The following HP1BP3 variants were observed in gnomAD, a reference collection of about 807,000 sequenced individuals.
HP1BP3 encodes the protein heterochromatin protein 1-binding protein 3.
HP1BP3 carries 12 observed loss-of-function variants against 62.5 expected under a neutral mutation model. That is an observed-to-expected ratio of 0.19 (90% confidence interval 0.12 to 0.31). The LOEUF is 0.31. Ranked by LOEUF, HP1BP3 falls within the 10% of genes least tolerant of loss-of-function variation. HP1BP3 has a pLI of 1.00. For missense variants in HP1BP3, 502 were observed against 651.8 expected (o/e 0.77, Z 2.50); for synonymous variants, 260 against 237.8 (o/e 1.09, Z -0.86).
At chr1:20,746,955 G>A (rs1321086634) in intron 11 of HP1BP3, among the ~76,000 whole-genome samples, 1 of 152,186 alleles carries the variant, frequency 6.6e-6, no homozygotes, top group East Asian at 1.9e-4. Flanking sequence ...GGCGGAGATT[G>A]CAGTGAGCCG....
rs533754200 is a variant in HP1BP3, at chr1:20,765,277, A to C, written c.890+100T>G. 5.0e-5 allele frequency: 37 copies of C among 734,936 alleles called. No homozygotes were observed. In the East Asian group the frequency reaches 1.1e-3, roughly 22 times the overall value. 45.5% of individuals were successfully genotyped at this position (734,936 alleles called of 1,614,324 possible). On this transcript the variant is annotated intron_variant, in intron 8 of 12. Coordinates refer to ENST00000438032, the MANE Select transcript of HP1BP3 (RefSeq NM_001372052.1). ...TAAAAAAGATTTATTTTTAGCTGAA[A>C]GTAATCCTTCCTCAGTATTTAATCT...
In HP1BP3 at chr1:20,741,986, G is replaced by C. The variant is rs892444675; in HGVS notation, c.*2811C>G. ...GACAGTTGTGGATGTTCGTGGAAGA[G>C]TGCGATGACCTTCCTGTCTTTTCCC... On this transcript the variant is annotated 3_prime_UTR_variant, in exon 13 of 13. Transcript: ENST00000438032. Among the ~76,000 whole-genome samples, 2 of 152,246 alleles carry C rather than the reference G, an allele frequency of 1.3e-5. No homozygotes were observed. Among genetic ancestry groups the C allele is most frequent in the Non-Finnish European group, 2.9e-5 (2 of 68,042 alleles).
At chr1:20,757,771 C>T (rs2056211144) in intron 8 of HP1BP3, among the ~76,000 whole-genome samples, 2 of 152,130 alleles carry the variant, frequency 1.3e-5, no homozygotes, top group Admixed American at 1.3e-4. Flanking sequence ...TCTATATACC[C>T]AATATGCCCA....
Position 20,744,525 on chromosome 1 carries a change from G to C in HP1BP3, c.*272C>G. On this transcript the variant is annotated 3_prime_UTR_variant, in exon 13 of 13. Transcript: ENST00000438032. Reference sequence around the variant, plus strand: ...CCATAAAAACAACAGGGGGTTGGGGGAGGCAGAGAAAAAGGACAAGTATAC... The same window carrying C: ...CCATAAAAACAACAGGGGGTTGGGGCAGGCAGAGAAAAAGGACAAGTATAC... 3.6e-6 allele frequency: 1 copy of C among 281,440 alleles called. No individual in the cohort carries two copies. 17.4% of individuals were successfully genotyped at this position (281,440 alleles called of 1,614,324 possible).
chr1:20,782,435 C>T (rs535697564), intron 1 of HP1BP3, among the ~76,000 whole-genome samples: 4 of 151,278 alleles, frequency 2.6e-5, no homozygotes, highest in African/African-American at 7.3e-5. Flanking sequence ...AATTAAAAAT[C>T]AGCTGGGAAT....
At position 20,776,645 on chromosome 1, in the gene HP1BP3, T is replaced by G. The variant is rs2057316181; in HGVS notation, c.302A>C (p.Glu101Ala). 6.2e-7 allele frequency: 1 copy of G among 1,613,952 alleles called. No homozygotes were observed. The highest frequency in any genetic ancestry group is 8.5e-7 in the Non-Finnish European group (1 of 1,179,912). Residue 101 changes from glutamate (E) to alanine (A), a missense_variant, in exon 4 of 13, where the codon GAG (glutamate) becomes GCG (alanine). By Grantham distance (107) the Glu-to-Ala change is moderately radical. Coordinates refer to ENST00000438032, the MANE Select transcript of HP1BP3 (RefSeq NM_001372052.1). ...SEAEQPKGEP[E>A]NEEKEENKSS... is the part of the protein sequence containing the mutation. ...CTTATTTTCTTCCTTCTCTTCATTCTCAGGTTCCCCCTTTGGCTGCTCTGC... is the reference window on the plus strand; with the variant it reads ...CTTATTTTCTTCCTTCTCTTCATTCGCAGGTTCCCCCTTTGGCTGCTCTGC...
intron 1 of HP1BP3, among the ~76,000 whole-genome samples, chr1:20,783,125 A>G (rs2057649806): frequency 2.0e-5 from 3 of 151,940 alleles, no homozygotes; most frequent in Non-Finnish European, 4.4e-5. Context: ...AATAATAATA[A>G]TAATAATAAA....
chr1:20,777,890 T>C (rs1260619048), intron 3 of HP1BP3, among the ~76,000 whole-genome samples: 1 of 152,258 alleles, frequency 6.6e-6, no homozygotes, highest in Non-Finnish European at 1.5e-5. Flanking sequence ...TCCCATATGC[T>C]TAGGATGACA....
chr1:20,780,676 C>A, intron 1 of HP1BP3, 136 bp from the exon 2 acceptor site: 1 of 553,970 alleles, frequency 1.8e-6, no homozygotes, highest in Non-Finnish European at 3.2e-6. Context: ...TTTGGTTACT[C>A]AGAAAGATAA....
chr1:20,757,944 G>A (rs1489748972), intron 8 of HP1BP3, among the ~76,000 whole-genome samples: 1 of 151,764 alleles, frequency 6.6e-6, no homozygotes, highest in African/African-American at 2.4e-5. Flanking sequence ...AGGAGTTCGA[G>A]ACCAGCCTGG....
intron 9 of HP1BP3, among the ~76,000 whole-genome samples, chr1:20,751,741 T>TAA (rs140394272): frequency 1.8e-5 from 2 of 110,916 alleles, no homozygotes; most frequent in African/African-American, 3.3e-5. Context: ...AATAATAAAC[T>TAA]AAAAAAAAAA....
At position 20,773,527 on chromosome 1, in the gene HP1BP3, G is replaced by A; in HGVS notation, c.434C>T (p.Ala145Val). ...SWATLSASQLARAQKQTPMAS... is the reference protein window; with the variant it reads ...SWATLSASQLVRAQKQTPMAS... ...CATCGGTGTTTGTTTCTGGGCCCTG[G>A]CTAGCTGGCTGGCAGAAAGGGTAGC... is the stretch of plus-strand genomic sequence containing the variant. Residue 145 changes from alanine to valine, a missense_variant, in exon 5 of 13, where the codon GCC (alanine) becomes GTC (valine). By Grantham distance (64) the Ala-to-Val change is moderately conservative. Around this residue, in one of 5 missense-constraint regions of HP1BP3, gnomAD observed 7 missense variants for 23.9 expected, o/e 0.29. Coordinates refer to ENST00000438032, the MANE Select transcript of HP1BP3 (RefSeq NM_001372052.1). 1.2e-6 allele frequency: 2 copies of A among 1,611,656 alleles called. No homozygotes were observed. The highest frequency in any genetic ancestry group is 1.7e-6 in the Non-Finnish European group (2 of 1,178,566).
At chr1:20,778,626 C>T (rs895584946) in intron 3 of HP1BP3, among the ~76,000 whole-genome samples, 5 of 152,010 alleles carry the variant, frequency 3.3e-5, no homozygotes, top group Non-Finnish European at 7.3e-5. Context: ...TATTTGGATT[C>T]CCGTGTTTCT....
chr1:20,776,445 T>C lies in HP1BP3; in HGVS notation c.350+152A>G, dbSNP rs951839515. 3 of 676,942 alleles carry C rather than the reference T, an allele frequency of 4.4e-6. No individual in the cohort carries two copies. The African/African-American group carries it at 5.5e-5, about 12-fold the overall frequency. 41.9% of individuals were successfully genotyped at this position (676,942 alleles called of 1,614,324 possible). A position where few individuals can be genotyped will look rare whatever the true frequency, so the allele number is the denominator to read the frequency against. On this transcript the variant is annotated intron_variant, in intron 4 of 12. Transcript: ENST00000438032. ...TATTCTAACAGGTCAAACAACTATA[T>C]AATAAACCTATTTCAAATGGTAATT... is the stretch of plus-strand genomic sequence containing the variant.
chr1:20,750,690 G>A (rs1433554442), intron 9 of HP1BP3, among the ~76,000 whole-genome samples: 3 of 151,418 alleles, frequency 2.0e-5, no homozygotes, highest in South Asian at 2.1e-4. Flanking sequence ...GCCTCTGCCC[G>A]CCACCCCAAG....
intron 8 of HP1BP3, among the ~76,000 whole-genome samples, chr1:20,760,593 T>C (rs1310028412): frequency 6.6e-6 from 1 of 151,156 alleles, no homozygotes. Flanking sequence ...CTGTAATCCT[T>C]TGGTAGGCCA....
chr1:20,762,674 C>A (rs1052868447), intron 8 of HP1BP3, among the ~76,000 whole-genome samples: 2 of 152,206 alleles, frequency 1.3e-5, no homozygotes, highest in South Asian at 4.1e-4. Context: ...TACCTATGAC[C>A]TAGAAGCCCC....
chr1:20,746,598 G>A (rs1376008243), intron 11 of HP1BP3, among the ~76,000 whole-genome samples: 1 of 152,106 alleles, frequency 6.6e-6, no homozygotes, highest in African/African-American at 2.4e-5. Context: ...CACAGGAGGT[G>A]ATCAATATAT....
Position 20,743,323 on chromosome 1 carries a change from T to A in HP1BP3, c.*1474A>T, listed in dbSNP as rs1381344236. On this transcript the variant is annotated 3_prime_UTR_variant, in exon 13 of 13. Coordinates refer to ENST00000438032, the MANE Select transcript of HP1BP3 (RefSeq NM_001372052.1). ...CCTTATAAAAAAGGCAAACAAGAAG[T>A]GACAACTCATGCTCCAAATATTAAA... is the stretch of plus-strand genomic sequence containing the variant. 6.6e-6 allele frequency: 1 copy of A among 152,510 alleles called. No homozygotes were observed. The highest frequency in any genetic ancestry group is 1.9e-4 in the East Asian group (1 of 5,198). The allele number at this position is 152,510 out of a possible 1,614,324, so 9.4% of individuals were successfully genotyped here. A position where few individuals can be genotyped will look rare whatever the true frequency, so the allele number is the denominator to read the frequency against.
Sources: gnomAD v4.1 joint callset for allele counts (sites outside exome capture counted in the v4.1 genomes callset) on GRCh38, gnomAD v4.1.1 for gene constraint, gnomAD v4.1.1 regional missense constraint, MANE v1.5 for transcripts, NCBI Gene and HGNC (gene_info 2026-07-23, HGNC 2026-07-21) for gene names.